TFAP2C: variants seen among roughly 807,000 people sequenced by gnomAD.
TFAP2C encodes the protein activating enhancer-binding protein 2 gamma.
TFAP2C carries 9 observed loss-of-function variants against 42.9 expected under a neutral mutation model. The observed-to-expected ratio is 0.21, with a 90% CI of 0.13 to 0.37. The LOEUF (loss-of-function observed/expected upper bound fraction) is 0.37. Among genes scored for constraint, TFAP2C ranks in the 10% least tolerant of loss-of-function variants. The pLI, the probability that TFAP2C is intolerant of heterozygous loss-of-function variation, is 1.00. For synonymous variants in TFAP2C, 264 were observed against 256.0 expected (o/e 1.03, Z -0.30); for missense variants, 462 against 591.7 (o/e 0.78, Z 2.27).
Position 56,631,150 on chromosome 20 carries a change from C to G in TFAP2C, c.49-55C>G. On this transcript the variant is annotated intron_variant, in intron 1 of 6. Transcript: ENST00000201031. The surrounding 1 kb of genome is among the most constrained non-coding windows in gnomAD (Gnocchi z 6.1). ...CGTAGCCCGGCGATGCCGGCCAGTT[C>G]GCAGTAGCGGGGTTTCGCACTAACG... is the stretch of plus-strand genomic sequence containing the variant. The G allele has an allele frequency of 6.8e-7, 1 of 1,473,726 alleles. No homozygotes were observed. The highest frequency in any genetic ancestry group is 2.6e-5 in the East Asian group (1 of 38,700). The allele number at this position is 1,473,726 out of a possible 1,614,324, so 91.3% of individuals were successfully genotyped here. A position where few individuals can be genotyped will look rare whatever the true frequency, so the allele number is the denominator to read the frequency against.
chr20:56,630,086 T>G lies in TFAP2C; in HGVS notation c.48+494T>G. The G allele has an allele frequency of 1.7e-5, 3 of 171,824 alleles. No individual in the cohort carries two copies. Among genetic ancestry groups the G allele is most frequent in the Non-Finnish European group, 3.8e-5 (3 of 79,336 alleles). 10.6% of individuals were successfully genotyped at this position (171,824 alleles called of 1,614,324 possible). A position where few individuals can be genotyped will look rare whatever the true frequency, so the allele number is the denominator to read the frequency against. Reference sequence around the variant, plus strand: ...TTCAAAAGAAGTGGGGGCTGGGGAGTGGTGGTGGGGGTGCCCGAGGCCAGA... The same window carrying G: ...TTCAAAAGAAGTGGGGGCTGGGGAGGGGTGGTGGGGGTGCCCGAGGCCAGA... On this transcript the variant is annotated intron_variant, in intron 1 of 6. Transcript: ENST00000201031. This position sits in a 1 kb window ranked among gnomAD's most constrained non-coding sequence, Gnocchi z 5.1.
rs1568750965 is a variant in TFAP2C, at chr20:56,630,022, ACCT to A, written c.48+435_48+437del. On this transcript the variant is annotated intron_variant, in intron 1 of 6. Transcript: ENST00000201031. The surrounding 1 kb of genome is among the most constrained non-coding windows in gnomAD (Gnocchi z 5.1). ...AGGCCGGCTTGTCACCTGCCCCGCT[ACCT>A]CCTCGGGGAAGCACGAAAACAACCG... Among the ~76,000 whole-genome samples the A allele has an allele frequency of 6.6e-6, 1 of 151,640 alleles. No homozygotes were observed. Among genetic ancestry groups the A allele is most frequent in the African/African-American group, 2.4e-5 (1 of 41,230 alleles).
rs1178219349 is a variant in TFAP2C at position 56,631,174 on chromosome 20, C to T, written c.49-31C>T. The T allele has an allele frequency of 2.7e-6, 4 of 1,489,466 alleles. No homozygotes were observed. In the Admixed American group the frequency reaches 6.9e-5, roughly 26 times the overall value. 92.3% of individuals were successfully genotyped at this position (1,489,466 alleles called of 1,614,324 possible). Reference sequence around the variant, plus strand: ...TCGCAGTAGCGGGGTTTCGCACTAACGGGGTCTCCTGTTTTTTTTTTTCCC... The same window carrying T: ...TCGCAGTAGCGGGGTTTCGCACTAATGGGGTCTCCTGTTTTTTTTTTTCCC... On this transcript the variant is annotated intron_variant, in intron 1 of 6. Transcript: ENST00000201031. The surrounding 1 kb of genome is among the most constrained non-coding windows in gnomAD (Gnocchi z 6.1).
Position 56,638,769 on chromosome 20 carries a change from A to G in TFAP2C, c.*756A>G, listed in dbSNP as rs1206003409. The G allele has an allele frequency of 6.7e-6, 1 of 150,298 alleles. No homozygotes were observed. The highest frequency in any genetic ancestry group is 1.5e-5 in the Non-Finnish European group (1 of 67,838). The allele number at this position is 150,298 out of a possible 1,614,324, so 9.3% of individuals were successfully genotyped here. ...GAAGCTTTATTTGCATATTTATTTCAGATGTTTCGAGTAAACTTGAAAAGG... is the reference window on the plus strand; with the variant it reads ...GAAGCTTTATTTGCATATTTATTTCGGATGTTTCGAGTAAACTTGAAAAGG... On this transcript the variant is annotated 3_prime_UTR_variant, in exon 7 of 7. Transcript: ENST00000201031.
intron 5 of TFAP2C, among the ~76,000 whole-genome samples, chr20:56,634,856 G>A (rs1987555395): frequency 6.6e-6 from 1 of 152,222 alleles, no homozygotes; most frequent in Non-Finnish European, 1.5e-5. Flanking sequence ...TAGCATTTCA[G>A]TTTCTTGAAT....
At position 56,637,811 on chromosome 20, in the gene TFAP2C, C is replaced by T. The variant is rs771818189; in HGVS notation, c.1151C>T (p.Thr384Met). The change falls in exon 7 of 7, where the codon ACG (threonine) becomes ATG (methionine). Residue 384 changes from threonine (T) to methionine (M), a missense_variant. Transcript: ENST00000201031. The part of the protein sequence containing the change: ...GTSRLAPVLE[T>M]NIQNCLSHFS... ...AGCAGGCTCGCCCCAGTCTTGGAGA[C>T]GAACATACAGAACTGCTTGTCTCAT... 10 of 1,613,644 alleles carry T rather than the reference C, an allele frequency of 6.2e-6. No individual in the cohort carries two copies. Among genetic ancestry groups the T allele is most frequent in the East Asian group, 4.5e-5 (2 of 44,880 alleles).
chr20:56,631,956 T>C lies in TFAP2C; in HGVS notation c.586+100T>C. On this transcript the variant is annotated intron_variant, in intron 3 of 6. Coordinates refer to ENST00000201031, the MANE Select transcript of TFAP2C (RefSeq NM_003222.4). The surrounding 1 kb of genome is among the most constrained non-coding windows in gnomAD (Gnocchi z 6.1). ...GTATTTGGTGGCCAGCGTGGGACAT[T>C]TGTGGTAGAAGGGACTGAAAGGGAT... 7.3e-7 allele frequency: 1 copy of C among 1,372,036 alleles called. No homozygotes were observed. The highest frequency in any genetic ancestry group is 1.0e-6 in the Non-Finnish European group (1 of 963,448). 85.0% of individuals were successfully genotyped at this position (1,372,036 alleles called of 1,614,324 possible). A position where few individuals can be genotyped will look rare whatever the true frequency, so the allele number is the denominator to read the frequency against.
rs576803129 is a variant in TFAP2C, at chr20:56,638,344, G to C, written c.*331G>C. 2.9e-5 allele frequency: 7 copies of C among 241,580 alleles called. No homozygotes were observed. In the South Asian group the frequency reaches 6.5e-4, roughly 22 times the overall value. The allele number at this position is 241,580 out of a possible 1,614,324, so 15.0% of individuals were successfully genotyped here. A position where few individuals can be genotyped will look rare whatever the true frequency, so the allele number is the denominator to read the frequency against. Reference sequence around the variant, plus strand: ...AGAATCTTTTAAATACATTCCCTGGGCCAACAGACCCACACACTTAGCCAT... The same window carrying C: ...AGAATCTTTTAAATACATTCCCTGGCCCAACAGACCCACACACTTAGCCAT... On this transcript the variant is annotated 3_prime_UTR_variant, in exon 7 of 7. Transcript: ENST00000201031.
intron 3 of TFAP2C, among the ~76,000 whole-genome samples, chr20:56,632,538 G>A (rs1252967156): frequency 6.6e-6 from 1 of 152,080 alleles, no homozygotes; most frequent in African/African-American, 2.4e-5. Flanking sequence ...AGGTAGTTTT[G>A]GCCTGTTACT....
chr20:56,629,461 G>T lies in TFAP2C; in HGVS notation c.-84G>T, dbSNP rs529055471. 38 of 1,261,204 alleles carry T rather than the reference G, an allele frequency of 3.0e-5. No homozygotes were observed. The African/African-American group carries it at 5.5e-4, about 18-fold the overall frequency. 78.1% of individuals were successfully genotyped at this position (1,261,204 alleles called of 1,614,324 possible). A position where few individuals can be genotyped will look rare whatever the true frequency, so the allele number is the denominator to read the frequency against. On this transcript the variant is annotated 5_prime_UTR_variant, in exon 1 of 7. Transcript: ENST00000201031. This position sits in a 1 kb window ranked among gnomAD's most constrained non-coding sequence, Gnocchi z 5.9. ...GGGCGGCGGCAGACGCCTGGTCACC[G>T]TGACCCCGATTTTGGATTTACCGCT...
rs1296570463 is a variant in TFAP2C at position 56,637,910 on chromosome 20, A to G, written c.1250A>G (p.Lys417Arg). The change falls in exon 7 of 7, where the codon AAA (lysine) becomes AGA (arginine). Residue 417 changes from lysine (K) to arginine (R), a missense_variant. Transcript: ENST00000201031. ...AAVSALQNYI[K>R]EALIVIDKSY... ...GTGTCTGCCCTGCAGAACTACATCAAAGAAGCCCTGATTGTCATAGACAAA... is the reference window on the plus strand; with the variant it reads ...GTGTCTGCCCTGCAGAACTACATCAGAGAAGCCCTGATTGTCATAGACAAA... The G allele has an allele frequency of 1.2e-6, 2 of 1,610,820 alleles. No individual in the cohort carries two copies. The highest frequency in any genetic ancestry group is 1.3e-5 in the African/African-American group (1 of 74,860).
intron 5 of TFAP2C, among the ~76,000 whole-genome samples, chr20:56,634,724 T>C (rs1484059521): frequency 6.6e-6 from 1 of 152,184 alleles, no homozygotes; most frequent in Non-Finnish European, 1.5e-5. Flanking sequence ...AGAGAACCTC[T>C]TGTATACAAT....
intron 3 of TFAP2C, among the ~76,000 whole-genome samples, chr20:56,632,732 G>GA (rs397747829): frequency 0.01 from 1,518 of 150,168 alleles, 25 homozygotes; most frequent in African/African-American, 0.036. Context: ...TTGTTCTTGA[G>GA]GGGAAAAAAC....
chr20:56,629,792 G>C lies in TFAP2C; in HGVS notation c.48+200G>C, dbSNP rs1165814782. 1.3e-5 allele frequency among the ~76,000 whole-genome samples: 2 copies of C among 152,084 alleles called. No individual in the cohort carries two copies. The highest frequency in any genetic ancestry group is 1.9e-4 in the East Asian group (1 of 5,166). On this transcript the variant is annotated intron_variant, in intron 1 of 6. Coordinates refer to ENST00000201031, the MANE Select transcript of TFAP2C (RefSeq NM_003222.4). This position sits in a 1 kb window ranked among gnomAD's most constrained non-coding sequence, Gnocchi z 5.9. ...GCCTTTTCCTAAATAGCCTCCCCTC[G>C]GGAACGAGGCCTGGAAAGAGAATGG...
In TFAP2C at chr20:56,638,182, G is replaced by A; in HGVS notation, c.*169G>A. 1 of 630,322 alleles carries A rather than the reference G, an allele frequency of 1.6e-6. No individual in the cohort carries two copies. The highest frequency in any genetic ancestry group is 2.1e-5 in the South Asian group (1 of 47,606). 39.0% of individuals were successfully genotyped at this position (630,322 alleles called of 1,614,324 possible). ...GCATCACCCGCCCCTGGACTTCTTA[G>A]TTGTTTCTCTAGCGCTGAGCTATCT... On this transcript the variant is annotated 3_prime_UTR_variant, in exon 7 of 7. Transcript: ENST00000201031.
intron 4 of TFAP2C, among the ~76,000 whole-genome samples, chr20:56,633,826 G>T (rs144839803): frequency 3.9e-5 from 6 of 152,252 alleles, no homozygotes; most frequent in South Asian, 2.1e-4. Flanking sequence ...GAGGGGAGGT[G>T]GGGGGAGCAC....
At chr20:56,636,443 T>C (rs552746501) in intron 5 of TFAP2C, among the ~76,000 whole-genome samples, 167 bp from the exon 6 acceptor site, 1 of 151,970 alleles carries the variant, frequency 6.6e-6, no homozygotes, top group Non-Finnish European at 1.5e-5. Context: ...CGAGAATTGC[T>C]TGAATTCCGG....
At position 56,629,569 on chromosome 20, in the gene TFAP2C, G is replaced by T. The variant is rs766529325; in HGVS notation, c.25G>T (p.Val9Phe). The T allele has an allele frequency of 7.0e-7, 1 of 1,427,322 alleles. No homozygotes were observed. Among genetic ancestry groups the T allele is most frequent in the Non-Finnish European group, 9.2e-7 (1 of 1,088,666 alleles). The allele number at this position is 1,427,322 out of a possible 1,614,324, so 88.4% of individuals were successfully genotyped here. A position where few individuals can be genotyped will look rare whatever the true frequency, so the allele number is the denominator to read the frequency against. ...CATGTTGTGGAAAATAACCGATAAT[G>T]TCAAGTACGAAGAGGACTGCGAGGT... MLWKITDNVKYEEDCEDRH... is the reference protein window; with the variant it reads MLWKITDNFKYEEDCEDRH... Residue 9 changes from valine to phenylalanine, a missense_variant, in exon 1 of 7, where the codon GTC becomes TTC. This residue lies in a region of TFAP2C where 271 missense variants were observed against 269.7 expected (regional missense o/e 1.00). Transcript: ENST00000201031. This position sits in a 1 kb window ranked among gnomAD's most constrained non-coding sequence, Gnocchi z 5.9.
chr20:56,631,387 G>T lies in TFAP2C; in HGVS notation c.231G>T (p.Ser77=). ...LAYSQSADPY[S]HLGEAYAAAI... ...ACTCCCAGTCGGCCGACCCCTACTC[G>T]CATCTGGGGGAAGCGTACGCCGCCG... The change falls in exon 2 of 7, where the codon TCG becomes TCT. Residue 77 remains serine, a synonymous_variant. Transcript: ENST00000201031. This position sits in a 1 kb window ranked among gnomAD's most constrained non-coding sequence, Gnocchi z 6.1. The T allele has an allele frequency of 6.2e-7, 1 of 1,610,330 alleles. No homozygotes were observed. The highest frequency in any genetic ancestry group is 8.5e-7 in the Non-Finnish European group (1 of 1,178,898).
Sources: allele counts gnomAD v4.1 joint callset (sites outside exome capture counted in the v4.1 genomes callset), GRCh38; gene constraint gnomAD v4.1.1; regional missense constraint gnomAD v4.1.1; non-coding constraint Gnocchi (gnomAD v3.1); transcripts MANE v1.5; gene names NCBI Gene and HGNC (gene_info 2026-07-23, HGNC 2026-07-21).